RAPGEF5: variants seen among roughly 807,000 people sequenced by gnomAD.
RAPGEF5 encodes the protein M-Ras-regulated GEF.
Under a neutral mutation model 125.2 loss-of-function variants are expected in RAPGEF5, and 65 were observed. The observed-to-expected ratio is 0.52, with a 90% CI of 0.43 to 0.64. RAPGEF5 has a LOEUF of 0.64. Ranked by LOEUF, RAPGEF5 falls within the 30% of genes least tolerant of loss-of-function variation. RAPGEF5 has a pLI of 0.00. For missense variants in RAPGEF5, 958 were observed against 1,048.1 expected (o/e 0.91, Z 1.19); for synonymous variants, 391 against 385.9 (o/e 1.01, Z -0.16).
At chr7:22,153,023 C>G (rs1454558369) in intron 17 of RAPGEF5, among the ~76,000 whole-genome samples, 2 of 152,082 alleles carry the variant, frequency 1.3e-5, no homozygotes, top group East Asian at 3.9e-4. Flanking sequence ...TCACAGCCAC[C>G]AAATAGATAT....
At chr7:22,199,991 T>G (rs1785241401) in intron 9 of RAPGEF5, among the ~76,000 whole-genome samples, 1 of 152,168 alleles carries the variant, frequency 6.6e-6, no homozygotes. Context: ...ACACAAAGAT[T>G]CTACAAAACT....
chr7:22,199,531 GAAAAAAAAAA>G (rs35024654), intron 9 of RAPGEF5, among the ~76,000 whole-genome samples: 93 of 62,852 alleles, frequency 1.5e-3, no homozygotes, highest in East Asian at 9.8e-3. Context: ...CCTTAAAATT[GAAAAAAAAAA>G]AAAAAAAAAA....
At chr7:22,316,350 T>TATAGATAGATAG (rs55885957) in intron 2 of RAPGEF5, among the ~76,000 whole-genome samples, 2,723 of 145,090 alleles carry the variant, frequency 0.019, 50 homozygotes, top group East Asian at 0.065. Flanking sequence ...GTATCTACTA[T>TATAGATAGATAG]ATAGATAGAT....
intron 7 of RAPGEF5, among the ~76,000 whole-genome samples, chr7:22,232,787 CA>C (rs1281330646): frequency 3.9e-5 from 6 of 152,196 alleles, no homozygotes; most frequent in African/African-American, 1.4e-4. Flanking sequence ...CTGGCATGAA[CA>C]ATGTATCCCC....
chr7:22,138,972 G>A (rs929198295), intron 21 of RAPGEF5, among the ~76,000 whole-genome samples: 4 of 152,214 alleles, frequency 2.6e-5, no homozygotes, highest in Admixed American at 2.6e-4. Flanking sequence ...CTTAAGCAGA[G>A]CAGGCGGGGC....
intron 18 of RAPGEF5, among the ~76,000 whole-genome samples, chr7:22,150,190 C>T (rs180810617): frequency 1.3e-5 from 2 of 151,188 alleles, no homozygotes; most frequent in African/African-American, 4.9e-5. Flanking sequence ...AGAGATCCTC[C>T]CACCTCAGCA....
chr7:22,196,020 TG>T (rs1467667790), intron 9 of RAPGEF5, among the ~76,000 whole-genome samples: 1 of 152,226 alleles, frequency 6.6e-6, no homozygotes, highest in African/African-American at 2.4e-5. Context: ...ATGTATTACA[TG>T]GCTGTGCACA....
intron 23 of RAPGEF5, among the ~76,000 whole-genome samples, chr7:22,132,198 G>A (rs1363146790): frequency 6.6e-6 from 1 of 152,110 alleles, no homozygotes; most frequent in Non-Finnish European, 1.5e-5. Flanking sequence ...GGGTAATTAT[G>A]AGATAGGTGG....
At chr7:22,220,560 G>T (rs1785761102) in intron 8 of RAPGEF5, among the ~76,000 whole-genome samples, 1 of 152,060 alleles carries the variant, frequency 6.6e-6, no homozygotes, top group Non-Finnish European at 1.5e-5. Flanking sequence ...AAAAGATGGT[G>T]AAATATTTTG....
intron 6 of RAPGEF5, among the ~76,000 whole-genome samples, chr7:22,276,587 G>A (rs967988586): frequency 2.6e-5 from 4 of 152,178 alleles, no homozygotes; most frequent in South Asian, 2.1e-4. Flanking sequence ...TCAGATTAGC[G>A]AAGACTGTTT....
At chr7:22,161,618 GAATTA>G (rs1784004030) in intron 13 of RAPGEF5, among the ~76,000 whole-genome samples, 1 of 150,224 alleles carries the variant, frequency 6.7e-6, no homozygotes, top group Non-Finnish European at 1.5e-5. Context: ...AAAGTCAATT[GAATTA>G]AATTAAGCAG....
At chr7:22,125,565 G>C (rs754378658) in intron 25 of RAPGEF5, 39 bp downstream of exon 25, 5 of 1,560,190 alleles carry the variant, frequency 3.2e-6, no homozygotes, top group Non-Finnish European at 2.7e-6. Flanking sequence ...TACCAACGTA[G>C]AGTCAATTTA....
intron 7 of RAPGEF5, among the ~76,000 whole-genome samples, chr7:22,236,876 T>G (rs1246692195): frequency 6.6e-6 from 1 of 152,192 alleles, no homozygotes; most frequent in African/African-American, 2.4e-5. Flanking sequence ...AGCTCAGGGA[T>G]GTGCAGGTTT....
At chr7:22,246,002 C>A (rs1583513466) in intron 7 of RAPGEF5, among the ~76,000 whole-genome samples, 1 of 151,990 alleles carries the variant, frequency 6.6e-6, no homozygotes, top group East Asian at 1.9e-4. Context: ...AAACAAAATA[C>A]CTAGGAATAC....
intron 7 of RAPGEF5, among the ~76,000 whole-genome samples, chr7:22,264,146 TA>T (rs34792717): frequency 4.6e-5 from 7 of 151,972 alleles, no homozygotes; most frequent in African/African-American, 1.4e-4. Flanking sequence ...TACTTTCTGT[TA>T]AAAAAAATGC....
At chr7:22,349,013 C>A (rs1784279280) in intron 1 of RAPGEF5, among the ~76,000 whole-genome samples, 1 of 151,472 alleles carries the variant, frequency 6.6e-6, no homozygotes, top group Non-Finnish European at 1.5e-5. Context: ...ATCGCTTGAA[C>A]CCAGAGGTGG....
intron 17 of RAPGEF5, among the ~76,000 whole-genome samples, chr7:22,153,996 G>A (rs1783716622): frequency 6.6e-6 from 1 of 152,112 alleles, no homozygotes; most frequent in African/African-American, 2.4e-5. Context: ...CCACCTAAAG[G>A]AATATTGCCG....
At chr7:22,234,410 G>A (rs186430673) in intron 7 of RAPGEF5, among the ~76,000 whole-genome samples, 354 of 152,188 alleles carry the variant, frequency 2.3e-3, no homozygotes, top group Non-Finnish European at 4.2e-3. Context: ...AGCGAAACAC[G>A]TACACAGGAA....
At chr7:22,239,515 A>G (rs1431786742) in intron 7 of RAPGEF5, among the ~76,000 whole-genome samples, 1 of 151,860 alleles carries the variant, frequency 6.6e-6, no homozygotes, top group Non-Finnish European at 1.5e-5. Flanking sequence ...ACAAGGGGCA[A>G]CTCAAGCCAC....
Sources: gnomAD v4.1 joint callset for allele counts (sites outside exome capture counted in the v4.1 genomes callset) on GRCh38, gnomAD v4.1.1 for gene constraint, MANE v1.5 for transcripts, NCBI Gene and HGNC (gene_info 2026-07-23, HGNC 2026-07-21) for gene names.